Variants in FGF12 observed in about 807,000 individuals in gnomAD.
FGF12 encodes the protein fibroblast growth factor 12.
Under a neutral mutation model 23.6 loss-of-function variants are expected in FGF12, and 14 were observed. The observed-to-expected ratio is 0.59, with a 90% CI of 0.39 to 0.93. The LOEUF (loss-of-function observed/expected upper bound fraction) is 0.93. Among genes scored for constraint, FGF12 ranks in the 40% least tolerant of loss-of-function variants. The probability of loss-of-function intolerance (pLI) is 0.00; values close to 1 mark genes in which losing one functional copy is unlikely to be tolerated. For synonymous variants in FGF12, 62 were observed against 77.3 expected (o/e 0.80, Z 1.04); for missense variants, 175 against 217.8 (o/e 0.80, Z 1.24).
chr3:192,296,348 C>T (rs142880913), intron 4 of FGF12, among the ~76,000 whole-genome samples: 9,119 of 151,898 alleles, frequency 0.06, 357 homozygotes, highest in South Asian at 0.088. Context: ...CTCAGCCTTC[C>T]CAGTAGCTGG....
chr3:192,721,099 G>A (rs985329008), intron 2 of FGF12, among the ~76,000 whole-genome samples: 1 of 152,170 alleles, frequency 6.6e-6, no homozygotes, highest in African/African-American at 2.4e-5. Context: ...AAGTTTTTGT[G>A]GGAGTTAATG....
At chr3:192,569,425 G>A (rs953896482) in intron 2 of FGF12, among the ~76,000 whole-genome samples, 2 of 152,176 alleles carry the variant, frequency 1.3e-5, no homozygotes, top group African/African-American at 4.8e-5. Flanking sequence ...GTATTCCTAT[G>A]TTTTCACATT....
intron 4 of FGF12, among the ~76,000 whole-genome samples, chr3:192,233,288 A>G (rs1278514984): frequency 6.6e-6 from 1 of 151,904 alleles, no homozygotes; most frequent in Non-Finnish European, 1.5e-5. Context: ...TTTTATTTAC[A>G]TTTCTCTAAT....
At chr3:192,577,728 T>G (rs1560156889) in intron 2 of FGF12, among the ~76,000 whole-genome samples, 1 of 152,230 alleles carries the variant, frequency 6.6e-6, no homozygotes, top group Non-Finnish European at 1.5e-5. Flanking sequence ...TACTTTACTC[T>G]CCTGAATAAT....
chr3:192,702,822 A>C (rs1718345240), intron 2 of FGF12, among the ~76,000 whole-genome samples: 1 of 152,172 alleles, frequency 6.6e-6, no homozygotes, highest in Non-Finnish European at 1.5e-5. Context: ...AATTTAAAAA[A>C]AACTAGTCTA....
At chr3:192,495,041 A>G (rs1358055891) in intron 2 of FGF12, among the ~76,000 whole-genome samples, 2 of 152,066 alleles carry the variant, frequency 1.3e-5, no homozygotes, top group Non-Finnish European at 2.9e-5. Context: ...TTGTATTTTT[A>G]GTAGAGACAA....
chr3:192,701,593 A>G (rs940142096), intron 2 of FGF12, among the ~76,000 whole-genome samples: 1 of 152,186 alleles, frequency 6.6e-6, no homozygotes, highest in Non-Finnish European at 1.5e-5. Flanking sequence ...ATGAAGTTCT[A>G]CTTGCTGCGA....
At chr3:192,304,331 CCTCCTGATGACCT>C in intron 4 of FGF12, among the ~76,000 whole-genome samples, 1 of 152,284 alleles carries the variant, frequency 6.6e-6, no homozygotes, top group Admixed American at 6.5e-5. Flanking sequence ...TTTGCTGTCT[CCTCCTGATGACCT>C]CTCCATTCCA....
intron 2 of FGF12, among the ~76,000 whole-genome samples, chr3:192,622,023 G>T (rs1413718941): frequency 2.0e-5 from 3 of 152,146 alleles, no homozygotes; most frequent in Admixed American, 2.0e-4. Flanking sequence ...TGAGGAAAAG[G>T]CCTCTTTTCC....
intron 5 of FGF12, among the ~76,000 whole-genome samples, chr3:192,149,715 T>G (rs1407983080): frequency 1.8e-5 from 1 of 54,632 alleles, no homozygotes; most frequent in Non-Finnish European, 4.7e-5. Context: ...AGTCTATCAT[T>G]GTTGGACATT....
chr3:192,476,737 AAGGTTGTCTGG>A (rs1336565044), intron 2 of FGF12, among the ~76,000 whole-genome samples: 4 of 152,190 alleles, frequency 2.6e-5, no homozygotes, highest in Non-Finnish European at 5.9e-5. Flanking sequence ...TGCTAGAAGA[AAGGTTGTCTGG>A]AGGACACTAG....
chr3:192,700,016 A>G (rs78517588), intron 2 of FGF12, among the ~76,000 whole-genome samples: 6,199 of 152,290 alleles, frequency 0.041, 449 homozygotes, highest in African/African-American at 0.14. Flanking sequence ...CACAAGATAG[A>G]ACCCAAATCT....
intron 2 of FGF12, among the ~76,000 whole-genome samples, chr3:192,644,563 T>C (rs6768898): frequency 0.57 from 86,731 of 151,996 alleles, 25,162 homozygotes; most frequent in East Asian, 0.67. Context: ...CCTAGGACAC[T>C]GTTGTTACTT....
chr3:192,437,058 A>G (rs1191793820), intron 2 of FGF12, among the ~76,000 whole-genome samples: 2 of 152,184 alleles, frequency 1.3e-5, no homozygotes, highest in East Asian at 3.9e-4. Flanking sequence ...CATCTTATGA[A>G]TGAATAGTGT....
At chr3:192,156,683 C>T (rs1180817300) in intron 5 of FGF12, among the ~76,000 whole-genome samples, 3 of 152,062 alleles carry the variant, frequency 2.0e-5, no homozygotes, top group African/African-American at 7.3e-5. Context: ...TTGTCAAGTA[C>T]ATAGAGTAGG....
chr3:192,470,294 C>T (rs747912362), intron 2 of FGF12, among the ~76,000 whole-genome samples: 5 of 152,256 alleles, frequency 3.3e-5, no homozygotes, highest in East Asian at 1.9e-4. Flanking sequence ...AAACGACATG[C>T]GAGAACAATC....
intron 2 of FGF12, among the ~76,000 whole-genome samples, chr3:192,447,841 G>T (rs950823834): frequency 2.0e-5 from 3 of 152,014 alleles, no homozygotes; most frequent in Non-Finnish European, 4.4e-5. Flanking sequence ...TAGCTACCAC[G>T]CAGATCAAGT....
intron 2 of FGF12, among the ~76,000 whole-genome samples, chr3:192,378,030 C>CTTTCTTTCTTTCTTT: frequency 5.0e-5 from 3 of 59,546 alleles, no homozygotes; most frequent in East Asian, 1.6e-3. Context: ...TCTTTCTTTT[C>CTTTCTTTCTTTCTTT]TTTCTTTCTT....
chr3:192,208,947 A>G (rs1483782005), intron 4 of FGF12, among the ~76,000 whole-genome samples: 1 of 152,210 alleles, frequency 6.6e-6, no homozygotes, highest in Non-Finnish European at 1.5e-5. Flanking sequence ...CCTTGTTGAT[A>G]AAAGCATGTG....
Sources: allele counts gnomAD v4.1 joint callset (sites outside exome capture counted in the v4.1 genomes callset), GRCh38; gene constraint gnomAD v4.1.1; transcripts MANE v1.5; gene names NCBI Gene and HGNC (gene_info 2026-07-23, HGNC 2026-07-21).